Variants in CPLANE1 observed in about 807,000 individuals in gnomAD.
The protein encoded by CPLANE1 is ciliogenesis and planar polarity effector 1.
Under a neutral mutation model 362.5 loss-of-function variants are expected in CPLANE1, and 263 were observed. That is an observed-to-expected ratio of 0.73 (90% confidence interval 0.66 to 0.80). The LOEUF is 0.80. Ranked by LOEUF, CPLANE1 falls within the 30% of genes least tolerant of loss-of-function variation. The pLI is 0.00. For missense variants in CPLANE1, 3,461 were observed against 3,793.4 expected, an observed-to-expected ratio of 0.91 and a Z score of 2.30; for synonymous variants, 1,212 against 1,302.6, an observed-to-expected ratio of 0.93 and a Z score of 1.50.
chr5:37,096,466 T>A, the CPLANE1 span, among the ~76,000 whole-genome samples: 1 of 152,126 alleles, frequency 6.6e-6, no homozygotes, highest in Non-Finnish European at 1.5e-5. Context: ...GAAGATAACA[T>A]TGGAAAACCC....
At chr5:37,158,114 A>AGG (rs764760624) in intron 39 of CPLANE1, 110 bp downstream of exon 39, 2 of 1,240,420 alleles carry the variant, frequency 1.6e-6, no homozygotes, top group Non-Finnish European at 2.3e-6. Flanking sequence ...ACAAAGCTAC[A>AGG]TAGATGAGAT....
chr5:37,244,743 GC>G, intron 4 of CPLANE1, 136 bp from the exon 5 acceptor site: 1 of 634,250 alleles, frequency 1.6e-6, no homozygotes, highest in South Asian at 2.1e-5. Context: ...TAAGGCACTA[GC>G]AAAAAATACA....
intron 41 of CPLANE1, among the ~76,000 whole-genome samples, chr5:37,154,805 T>C (rs1200502047): frequency 6.6e-6 from 1 of 152,198 alleles, no homozygotes; most frequent in African/African-American, 2.4e-5. Flanking sequence ...TGGCACTCTT[T>C]CTTAGCTCCA....
intron 25 of CPLANE1, among the ~76,000 whole-genome samples, chr5:37,184,551 T>C (rs1333261484): frequency 6.6e-6 from 1 of 152,182 alleles, no homozygotes; most frequent in Non-Finnish European, 1.5e-5. Context: ...TTTGATTTTA[T>C]AATTTCAGAT....
At chr5:37,078,204 C>T in the CPLANE1 span, among the ~76,000 whole-genome samples, 2 of 151,778 alleles carry the variant, frequency 1.3e-5, no homozygotes, top group Admixed American at 6.6e-5. Context: ...CTCTCCCTCC[C>T]CTCCTCAACA....
rs540350902 is a variant in CPLANE1 at position 37,123,582 on chromosome 5, C to T, written c.8959-1094G>A. Among the ~76,000 whole-genome samples, 7 of 152,302 alleles carry T rather than the reference C, an allele frequency of 4.6e-5. No individual in the cohort carries two copies. In the East Asian group the frequency reaches 1.3e-3, roughly 29 times the overall value. On this transcript the variant is annotated intron_variant, in intron 47 of 52. Transcript: ENST00000651892. The stretch of plus-strand genomic sequence containing the variant: ...TTGAGACAAGAGTGCACTCTGTTGC[C>T]CAGGCAGGAGTGCAGGGGCATGATC...
In CPLANE1 at chr5:37,125,258, G is replaced by T; in HGVS notation, c.8944C>A (p.Pro2982Thr). ...GGCAGACTTACTGGATTGCTTCTGGGACAGAAAGGATCATGTTCTTGCCCT... is the reference window on the plus strand; with the variant it reads ...GGCAGACTTACTGGATTGCTTCTGGTACAGAAAGGATCATGTTCTTGCCCT... Reference protein sequence around the residue: ...KRGQEHDPFCPRSNPLYMTSR... With the variant: ...KRGQEHDPFCTRSNPLYMTSR... The change falls in exon 47 of 53, where the codon CCC (proline) becomes ACC (threonine). Residue 2982 changes from proline to threonine, a missense_variant. Pro to Thr is a conservative substitution (Grantham distance 38, BLOSUM62 -1). Transcript: ENST00000651892. The T allele has an allele frequency of 6.2e-7, 1 of 1,613,560 alleles. No homozygotes were observed. Among genetic ancestry groups the T allele is most frequent in the Non-Finnish European group, 8.5e-7 (1 of 1,179,868 alleles).
intron 43 of CPLANE1, 116 bp from the exon 44 acceptor site, chr5:37,142,596 T>C: frequency 1.6e-6 from 1 of 622,348 alleles, no homozygotes; most frequent in Non-Finnish European, 2.6e-6. Context: ...GTTTGTCACA[T>C]ATTATGCTAA....
chr5:37,141,847 C>T, intron 44 of CPLANE1: 1 of 902,052 alleles, frequency 1.1e-6, no homozygotes, highest in Non-Finnish European at 1.3e-6. Context: ...TCTCAATCTC[C>T]TCAACTGTAA....
intron 25 of CPLANE1, among the ~76,000 whole-genome samples, chr5:37,184,492 TA>T (rs997034580): frequency 2.0e-5 from 3 of 151,928 alleles, no homozygotes; most frequent in African/African-American, 7.3e-5. Context: ...TAAAGATTAC[TA>T]AAAAAAACTG....
At position 37,227,085 on chromosome 5, in the gene CPLANE1, G is replaced by A. The variant is rs769308928; in HGVS notation, c.1522-12C>T. On this transcript the variant is annotated splice_polypyrimidine_tract_variant and intron_variant, in intron 11 of 52. Transcript: ENST00000651892. ...TCTGCTTCAAAATCCTAAAACATGA[G>A]GGGAAAAAAATGATACTTAATACCA... is the stretch of plus-strand genomic sequence containing the variant. 213 of 1,528,250 alleles carry A rather than the reference G, an allele frequency of 1.4e-4. No homozygotes were observed. The highest frequency in any genetic ancestry group is 2.9e-4 in the African/African-American group (21 of 71,782). The allele number at this position is 1,528,250 out of a possible 1,614,324, so 94.7% of individuals were successfully genotyped here.
the CPLANE1 span, among the ~76,000 whole-genome samples, chr5:37,077,038 T>G: frequency 2.2e-4 from 34 of 151,922 alleles, no homozygotes; most frequent in Non-Finnish European, 3.8e-4. Context: ...ATAGATAATA[T>G]GTAAATGAAT....
chr5:37,173,946 C>T lies in CPLANE1; in HGVS notation c.5980G>A (p.Ala1994Thr). ...TTTTCTTTATATGTAGAAATCTGTGCACTGCGTGGAAAGCATTTAAATAAA... is the reference window on the plus strand; with the variant it reads ...TTTTCTTTATATGTAGAAATCTGTGTACTGCGTGGAAAGCATTTAAATAAA... The part of the protein sequence containing the change: ...QVDTSSEISS[A>T]QISTYKEKSS... The change falls in exon 32 of 53, where the codon GCA becomes ACA. Residue 1994 changes from alanine (A) to threonine (T), a missense_variant and splice_region_variant. This residue lies in a region of CPLANE1 where 3,380 missense variants were observed against 3,666.1 expected (regional missense o/e 0.92). Transcript: ENST00000651892. 6.2e-7 allele frequency: 1 copy of T among 1,611,818 alleles called. No individual in the cohort carries two copies. The highest frequency in any genetic ancestry group is 8.5e-7 in the Non-Finnish European group (1 of 1,178,534).
chr5:37,122,158 G>C (rs1160259018), intron 48 of CPLANE1, among the ~76,000 whole-genome samples: 1 of 152,122 alleles, frequency 6.6e-6, no homozygotes, highest in East Asian at 1.9e-4. Flanking sequence ...GGTCTCTGGA[G>C]TATTTCCCAA....
chr5:37,076,168 A>G, the CPLANE1 span, among the ~76,000 whole-genome samples: 23 of 151,720 alleles, frequency 1.5e-4, 1 homozygote, highest in South Asian at 4.0e-3. Flanking sequence ...AGGCAGGAGG[A>G]TCACTTGAAC....
At chr5:37,162,149 C>T (rs1041404188) in intron 38 of CPLANE1, among the ~76,000 whole-genome samples, 4 of 152,178 alleles carry the variant, frequency 2.6e-5, no homozygotes, top group Admixed American at 2.6e-4. Context: ...AGCCACAATC[C>T]CAGGCCTCCC....
Position 37,122,417 on chromosome 5 carries a change from C to T in CPLANE1, c.9017+13G>A. The T allele has an allele frequency of 6.2e-7, 1 of 1,609,792 alleles. No homozygotes were observed. Among genetic ancestry groups the T allele is most frequent in the Non-Finnish European group, 8.5e-7 (1 of 1,176,630 alleles). On this transcript the variant is annotated intron_variant, in intron 48 of 52. Coordinates refer to ENST00000651892, the MANE Select transcript of CPLANE1 (RefSeq NM_001384732.1). ...TTAGAGAGAAAACACAGGGTTACAG[C>T]TACCAAACTCACCTGTCTTTTTCAT... is the stretch of plus-strand genomic sequence containing the variant.
chr5:37,127,450 C>G (rs1201743380), intron 46 of CPLANE1, among the ~76,000 whole-genome samples: 1 of 152,132 alleles, frequency 6.6e-6, no homozygotes, highest in East Asian at 1.9e-4. Context: ...TGAATATTAC[C>G]ACTCGATGTT....
At chr5:37,133,586 G>A (rs1383749939) in intron 46 of CPLANE1, among the ~76,000 whole-genome samples, 2 of 151,572 alleles carry the variant, frequency 1.3e-5, no homozygotes, top group Admixed American at 1.3e-4. Flanking sequence ...GAATGTTATT[G>A]GTGCATAGAA....
Sources: gnomAD v4.1 joint callset for allele counts (sites outside exome capture counted in the v4.1 genomes callset) on GRCh38, gnomAD v4.1.1 for gene constraint, gnomAD v4.1.1 regional missense constraint, MANE v1.5 for transcripts, NCBI Gene and HGNC (gene_info 2026-07-23, HGNC 2026-07-21) for gene names.